The following LRRTM4 variants were observed in gnomAD, a reference collection of about 807,000 sequenced individuals.
The protein encoded by LRRTM4 is leucine rich repeat transmembrane neuronal 4.
LRRTM4 carries 25 observed loss-of-function variants against 47.6 expected under a neutral mutation model. The observed-to-expected ratio is 0.53, with a 90% CI of 0.38 to 0.73. LRRTM4 has a LOEUF of 0.73. LRRTM4 is among the 30% of genes least tolerant of loss of function. The probability of loss-of-function intolerance (pLI) is 0.00; values close to 1 mark genes in which losing one functional copy is unlikely to be tolerated. For missense variants in LRRTM4, 638 were observed against 713.4 expected (o/e 0.89, Z 1.20); for synonymous variants, 311 against 269.5 (o/e 1.15, Z -1.51).
At chr2:76,990,245 A>G (rs577964405) in intron 3 of LRRTM4, among the ~76,000 whole-genome samples, 51 of 151,832 alleles carry the variant, frequency 3.4e-4, no homozygotes, top group Non-Finnish European at 7.1e-4. Context: ...GGGAAACCAC[A>G]AAATAAAAAC....
Position 76,838,042 on chromosome 2 carries a change from T to A in LRRTM4, c.1552-89126A>T, listed in dbSNP as rs902847964. ...CATGGCACATGTATACATATGTAAC[T>A]AACCTGCACATTGTGCACATGTACC... On this transcript the variant is annotated intron_variant, in intron 3 of 3. Coordinates refer to ENST00000409884, the MANE Select transcript of LRRTM4 (RefSeq NM_001134745.3). Among the ~76,000 whole-genome samples the A allele has an allele frequency of 2.0e-5, 3 of 151,476 alleles. No homozygotes were observed. In the East Asian group the frequency reaches 5.8e-4, roughly 29 times the overall value.
At chr2:77,409,071 C>T (rs1304482680) in intron 3 of LRRTM4, among the ~76,000 whole-genome samples, 1 of 152,100 alleles carries the variant, frequency 6.6e-6, no homozygotes, top group African/African-American at 2.4e-5. Context: ...TTGAATCCTG[C>T]TAAATGCGAT....
intron 3 of LRRTM4, among the ~76,000 whole-genome samples, chr2:77,361,334 T>C (rs190969211): frequency 2.8e-3 from 425 of 152,234 alleles, no homozygotes; most frequent in Non-Finnish European, 5.1e-3. Flanking sequence ...TTCCTTCTCA[T>C]TTAGGTTAAA....
chr2:77,376,267 A>G (rs1241067637), intron 3 of LRRTM4, among the ~76,000 whole-genome samples: 1 of 151,782 alleles, frequency 6.6e-6, no homozygotes, highest in Non-Finnish European at 1.5e-5. Flanking sequence ...TGAAAACGTC[A>G]TACCAAGAGT....
At chr2:77,203,097 A>G (rs1432343488) in intron 3 of LRRTM4, among the ~76,000 whole-genome samples, 1 of 151,996 alleles carries the variant, frequency 6.6e-6, no homozygotes, top group Non-Finnish European at 1.5e-5. Context: ...GAGTAAATAT[A>G]TATATATACA....
chr2:76,834,987 A>G (rs1671467717), intron 3 of LRRTM4, among the ~76,000 whole-genome samples: 1 of 152,178 alleles, frequency 6.6e-6, no homozygotes, highest in African/African-American at 2.4e-5. Flanking sequence ...GGTTTCCAAG[A>G]TACATTCCAT....
intron 3 of LRRTM4, among the ~76,000 whole-genome samples, chr2:77,311,673 A>T (rs1170895773): frequency 6.6e-6 from 1 of 152,200 alleles, no homozygotes; most frequent in African/African-American, 2.4e-5. Context: ...CTGATCTGAA[A>T]GCCCATAGTG....
intron 3 of LRRTM4, among the ~76,000 whole-genome samples, chr2:77,119,048 T>C (rs1001282137): frequency 6.6e-6 from 1 of 151,864 alleles, no homozygotes; most frequent in African/African-American, 2.4e-5. Context: ...ATTACCATTA[T>C]TTTAATTTGT....
intron 3 of LRRTM4, among the ~76,000 whole-genome samples, chr2:77,109,516 A>G (rs1381087981): frequency 6.6e-6 from 1 of 152,200 alleles, no homozygotes; most frequent in African/African-American, 2.4e-5. Context: ...CCTCATTCCT[A>G]TAAAGAACAA....
intron 3 of LRRTM4, among the ~76,000 whole-genome samples, chr2:77,334,863 C>A (rs905598226): frequency 6.6e-6 from 1 of 152,126 alleles, no homozygotes; most frequent in African/African-American, 2.4e-5. Flanking sequence ...TGGGCAGTTG[C>A]CCTCATTTTC....
chr2:77,238,608 C>T (rs1262572725), intron 3 of LRRTM4, among the ~76,000 whole-genome samples: 1 of 151,996 alleles, frequency 6.6e-6, no homozygotes, highest in East Asian at 1.9e-4. Flanking sequence ...CCGAGAGATA[C>T]ATGTAGAATA....
At chr2:77,245,517 CAAAAAA>C (rs770133274) in intron 3 of LRRTM4, among the ~76,000 whole-genome samples, 4 of 86,470 alleles carry the variant, frequency 4.6e-5, no homozygotes, top group East Asian at 2.9e-4. Flanking sequence ...GACACTGCCT[CAAAAAA>C]AAAAAAAAAA....
intron 3 of LRRTM4, among the ~76,000 whole-genome samples, chr2:77,413,786 C>T (rs1299386164): frequency 1.3e-5 from 2 of 152,014 alleles, no homozygotes; most frequent in Non-Finnish European, 2.9e-5. Context: ...TACATATGGA[C>T]ATAAGTTTCA....
intron 3 of LRRTM4, among the ~76,000 whole-genome samples, chr2:77,075,077 T>C (rs1680287547): frequency 6.6e-6 from 1 of 151,308 alleles, no homozygotes; most frequent in African/African-American, 2.5e-5. Flanking sequence ...AAATTTAAGA[T>C]TTATTTTATT....
Position 77,215,517 on chromosome 2 carries a change from T to A in LRRTM4, c.1551+302801A>T, listed in dbSNP as rs187147285. Among the ~76,000 whole-genome samples the A allele has an allele frequency of 5.0e-3, 762 of 152,204 alleles. 7 individuals carry two copies. The highest frequency in any genetic ancestry group is 5.3e-3 in the Non-Finnish European group (359 of 68,018). On this transcript the variant is annotated intron_variant, in intron 3 of 3. Coordinates refer to ENST00000409884, the MANE Select transcript of LRRTM4 (RefSeq NM_001134745.3). ...TTAACAGGGGAGAATTATGACCTAT[T>A]TTTTTTTCTTTAACTATTCTTGGTA...
intron 3 of LRRTM4, among the ~76,000 whole-genome samples, chr2:77,195,557 C>G (rs1187251924): frequency 6.6e-6 from 1 of 151,782 alleles, no homozygotes; most frequent in Non-Finnish European, 1.5e-5. Context: ...TATCTGTATG[C>G]AAGTAAAGTT....
intron 3 of LRRTM4, among the ~76,000 whole-genome samples, chr2:76,838,349 A>T (rs552998138): frequency 6.6e-6 from 1 of 152,172 alleles, no homozygotes; most frequent in Non-Finnish European, 1.5e-5. Context: ...AACTATAATT[A>T]GTTAATATAA....
At chr2:77,472,919 A>G (rs1677246280) in intron 3 of LRRTM4, among the ~76,000 whole-genome samples, 1 of 152,162 alleles carries the variant, frequency 6.6e-6, no homozygotes, top group Admixed American at 6.6e-5. Flanking sequence ...TGAATTAATC[A>G]TCTTTTGCTC....
intron 3 of LRRTM4, among the ~76,000 whole-genome samples, chr2:77,197,370 T>C (rs1021805154): frequency 2.6e-5 from 4 of 152,114 alleles, no homozygotes; most frequent in Non-Finnish European, 4.4e-5. Context: ...AATCTACACA[T>C]ACAAAAAAGT....
Sources: gnomAD v4.1 joint callset for allele counts (sites outside exome capture counted in the v4.1 genomes callset) on GRCh38, gnomAD v4.1.1 for gene constraint, MANE v1.5 for transcripts, NCBI Gene and HGNC (gene_info 2026-07-23, HGNC 2026-07-21) for gene names.